Variants in IRAG2 observed in about 807,000 individuals in gnomAD.
The protein encoded by IRAG2 is lymphoid restricted membrane protein.
In IRAG2, 45 loss-of-function variants were observed where a neutral mutation model predicts 69.9. The observed-to-expected ratio is 0.64, with a 90% CI of 0.51 to 0.83. IRAG2 has a LOEUF of 0.83. IRAG2 is among the 40% of genes least tolerant of loss of function. The probability of loss-of-function intolerance (pLI) is 0.00; values close to 1 mark genes in which losing one functional copy is unlikely to be tolerated. For synonymous variants in IRAG2, 193 were observed against 202.4 expected (o/e 0.95, Z 0.40); for missense variants, 520 against 587.0 (o/e 0.89, Z 1.18).
At chr12:25,086,985 C>G (rs1018119449) in intron 10 of IRAG2, among the ~76,000 whole-genome samples, 7 of 151,984 alleles carry the variant, frequency 4.6e-5, no homozygotes, top group African/African-American at 1.7e-4. Context: ...ATCTTTGTCA[C>G]AATTTCTCCA....
Position 25,014,617 on chromosome 12 carries a change from G to A in IRAG2, c.897-565G>A, listed in dbSNP as rs1944505690. On this transcript the variant is annotated intron_variant, in intron 3 of 38. Transcript: ENST00000636465. ...CTAGAGTGTGTGTGCTACACAGCCT[G>A]TACAGAGGGTTTCCCAGATTCCAGA... Among the ~76,000 whole-genome samples the A allele has an allele frequency of 2.6e-5, 4 of 152,126 alleles. No homozygotes were observed. The South Asian group carries it at 8.3e-4, about 32-fold the overall frequency.
chr12:25,026,884 A>G (rs976175862), intron 9 of IRAG2: 57 of 1,169,748 alleles, frequency 4.9e-5, no homozygotes, highest in Non-Finnish European at 5.7e-5. Context: ...CTTCCCAAAT[A>G]CTGGTAAAAT....
rs184954273 is a variant in IRAG2, at chr12:25,020,879, G to A, written c.1304G>A (p.Ser435Asn). 2.1e-4 allele frequency: 254 copies of A among 1,231,784 alleles called. 1 individual carries two copies. In the East Asian group the frequency reaches 7.6e-3, roughly 37 times the overall value. 76.3% of individuals were successfully genotyped at this position (1,231,784 alleles called of 1,614,324 possible). A position where few individuals can be genotyped will look rare whatever the true frequency, so the allele number is the denominator to read the frequency against. Residue 435 changes from serine (S) to asparagine (N), a missense_variant, in exon 7 of 39, where the codon AGC becomes AAC. By Grantham distance (46) the Ser-to-Asn change is conservative. Coordinates refer to the IRAG2 transcript ENST00000636465. Reference sequence around the variant, plus strand: ...ATGAATGCTTCAGAAGAGCAGAAGAGCATGATTGTAGCCCAGAGCAAACAA... The same window carrying A: ...ATGAATGCTTCAGAAGAGCAGAAGAACATGATTGTAGCCCAGAGCAAACAA...
intron 14 of IRAG2, among the ~76,000 whole-genome samples, chr12:25,095,039 C>T (rs1948330843): frequency 6.6e-6 from 1 of 151,920 alleles, no homozygotes; most frequent in South Asian, 2.1e-4. Flanking sequence ...TGACTTCTTC[C>T]TTTCTGATTT....
In IRAG2 at chr12:25,089,757, C is replaced by G. The variant is rs764776323; in HGVS notation, c.438-6C>G. On this transcript the variant is annotated splice_region_variant and splice_polypyrimidine_tract_variant and intron_variant, in intron 12 of 21. Transcript: ENST00000556887. ...GTTTAAATATGTTTTTTGTCTTATC[C>G]TACAGCACTTCTGCTAATGAGAAGG... 1.2e-6 allele frequency: 2 copies of G among 1,613,208 alleles called. No individual in the cohort carries two copies. Among genetic ancestry groups the G allele is most frequent in the South Asian group, 1.1e-5 (1 of 91,008 alleles).
chr12:25,011,926 A>C (rs915100899), intron 3 of IRAG2, among the ~76,000 whole-genome samples: 1 of 152,132 alleles, frequency 6.6e-6, no homozygotes, highest in Non-Finnish European at 1.5e-5. Context: ...AAATCTCCAA[A>C]TGTATTTAAA....
chr12:24,999,406 C>T (rs544679776), upstream of IRAG2, among the ~76,000 whole-genome samples: 1 of 152,242 alleles, frequency 6.6e-6, no homozygotes, highest in South Asian at 2.1e-4. Context: ...GATTCAAGAG[C>T]TTTGACTGTA....
At chr12:25,011,050 T>C (rs1944470848) in intron 2 of IRAG2, among the ~76,000 whole-genome samples, 1 of 152,232 alleles carries the variant, frequency 6.6e-6, no homozygotes, top group Admixed American at 6.5e-5. Context: ...ATTGATTACA[T>C]ATATCATCAA....
At chr12:25,034,640 T>C (rs1021308258) in intron 13 of IRAG2, among the ~76,000 whole-genome samples, 7 of 152,254 alleles carry the variant, frequency 4.6e-5, no homozygotes, top group Admixed American at 3.3e-4. Flanking sequence ...TGCTCAGAAA[T>C]GCTTTATTTA....
intron 6 of IRAG2, among the ~76,000 whole-genome samples, chr12:25,071,759 T>G (rs903715693): frequency 6.6e-6 from 1 of 152,212 alleles, no homozygotes; most frequent in African/African-American, 2.4e-5. Context: ...TTTAGACATT[T>G]TAATCATAAT....
chr12:25,055,267 C>T (rs536392106), intron 1 of IRAG2, among the ~76,000 whole-genome samples: 1 of 152,144 alleles, frequency 6.6e-6, no homozygotes, highest in Admixed American at 6.5e-5. Flanking sequence ...TTTTCAATTG[C>T]CTTCAGGACT....
chr12:25,107,860 A>C lies in IRAG2; in HGVS notation c.1300A>C (p.Ile434Leu). Residue 434 changes from isoleucine (I) to leucine (L), a missense_variant, in exon 22 of 22, where the codon ATC becomes CTC. Coordinates refer to ENST00000556887, the MANE Select transcript of IRAG2 (RefSeq NM_001366544.2). ...CTGGGCAACAAATCTCAAGTCCTCC[A>C]TCAGAAAGGCTAATAAGGCCCTCTG... ...ASWATNLKSS[I>L]RKANKALWLS... 8 of 1,614,080 alleles carry C rather than the reference A, an allele frequency of 5.0e-6. No homozygotes were observed. The highest frequency in any genetic ancestry group is 6.8e-6 in the Non-Finnish European group (8 of 1,179,882).
At position 25,089,949 on chromosome 12, in the gene IRAG2, G is replaced by A. The variant is rs142467490; in HGVS notation, c.466-108G>A. ...ACCCTGTGCATGTCAGCATTATGTT[G>A]CTGGGGGGAGAAAGAAATGCCTCAG... On this transcript the variant is annotated intron_variant, in intron 13 of 21. Coordinates refer to ENST00000556887, the MANE Select transcript of IRAG2 (RefSeq NM_001366544.2). The A allele has an allele frequency of 7.6e-4, 1,014 of 1,335,538 alleles. 9 individuals carry two copies. In the African/African-American group the frequency reaches 0.012, roughly 16 times the overall value. 82.7% of individuals were successfully genotyped at this position (1,335,538 alleles called of 1,614,324 possible).
At chr12:25,079,545 G>A (rs1947054654) in intron 8 of IRAG2, 83 bp downstream of exon 8, 1 of 1,349,518 alleles carries the variant, frequency 7.4e-7, no homozygotes, top group Non-Finnish European at 1.1e-6. Flanking sequence ...GCTGGGGTGT[G>A]AGCAAATGAG....
At chr12:25,087,832 G>A (rs546992275) in intron 10 of IRAG2, among the ~76,000 whole-genome samples, 1 of 152,262 alleles carries the variant, frequency 6.6e-6, no homozygotes, top group African/African-American at 2.4e-5. Context: ...AACTGTGCAA[G>A]CGAGCCATCT....
chr12:25,072,252 C>A (rs759776321), intron 6 of IRAG2, among the ~76,000 whole-genome samples: 4 of 152,078 alleles, frequency 2.6e-5, no homozygotes, highest in Non-Finnish European at 5.9e-5. Context: ...TAGGTGCTAA[C>A]AGACATCACA....
At chr12:25,046,288 T>C (rs1322008852) in intron 16 of IRAG2, among the ~76,000 whole-genome samples, 1 of 152,106 alleles carries the variant, frequency 6.6e-6, no homozygotes, top group African/African-American at 2.4e-5. Flanking sequence ...GTTTTTCCTC[T>C]AAGATCAGCA....
intron 7 of IRAG2, among the ~76,000 whole-genome samples, chr12:25,022,952 C>A (rs1944593361): frequency 6.6e-6 from 1 of 151,962 alleles, no homozygotes; most frequent in South Asian, 2.1e-4. Context: ...ATGGTGAAAC[C>A]CTGTCTCTAC....
intron 6 of IRAG2, among the ~76,000 whole-genome samples, chr12:25,070,788 C>G (rs997922914): frequency 3.9e-5 from 6 of 152,150 alleles, no homozygotes; most frequent in African/African-American, 1.4e-4. Flanking sequence ...TTCTCTGTAT[C>G]CTCATTAAAT....
Sources: gnomAD v4.1 joint callset for allele counts (sites outside exome capture counted in the v4.1 genomes callset) on GRCh38, gnomAD v4.1.1 for gene constraint, MANE v1.5 for transcripts, NCBI Gene and HGNC (gene_info 2026-07-23, HGNC 2026-07-21) for gene names.